Variants in NSMCE2 observed in about 807,000 individuals in gnomAD.
NSMCE2 encodes NSE2 SUMO ligase component of SMC5/6 complex.
A neutral mutation model predicts 23.8 loss-of-function variants in NSMCE2; 24 were observed. The ratio of observed to expected loss-of-function variants is 1.01; its 90% CI spans 0.73 to 1.42. The LOEUF (loss-of-function observed/expected upper bound fraction) is 1.42, where lower values mean the gene tolerates loss of function less well. NSMCE2 is among the 40% of genes most tolerant of loss of function. The pLI is 0.00. For missense variants in NSMCE2, 284 were observed against 296.5 expected (o/e 0.96, Z 0.31); for synonymous variants, 92 against 94.1 (o/e 0.98, Z 0.13).
intron 5 of NSMCE2, among the ~76,000 whole-genome samples, chr8:125,350,449 A>C (rs927311277): frequency 6.6e-6 from 1 of 152,234 alleles, no homozygotes; most frequent in African/African-American, 2.4e-5. Context: ...TGCCTTGAGC[A>C]CAGTGGGAGA....
At chr8:125,097,910 TA>T (rs1360392103) in intron 1 of NSMCE2, among the ~76,000 whole-genome samples, 1 of 152,182 alleles carries the variant, frequency 6.6e-6, no homozygotes, top group Admixed American at 6.5e-5. Context: ...TTTTATTATA[TA>T]GGCAGGAGGG....
intron 5 of NSMCE2, among the ~76,000 whole-genome samples, chr8:125,307,124 C>T (rs1828796099): frequency 1.3e-5 from 2 of 152,144 alleles, no homozygotes; most frequent in Non-Finnish European, 1.5e-5. Flanking sequence ...GTTTCCTTTT[C>T]CTCTCTTTTA....
At chr8:125,167,877 G>C (rs1190335014) in intron 4 of NSMCE2, among the ~76,000 whole-genome samples, 1 of 152,014 alleles carries the variant, frequency 6.6e-6, no homozygotes, top group Non-Finnish European at 1.5e-5. Context: ...GACAGGAAAG[G>C]GTAGACAGAA....
chr8:125,312,887 G>C (rs1829023676), intron 5 of NSMCE2, among the ~76,000 whole-genome samples: 1 of 152,038 alleles, frequency 6.6e-6, no homozygotes, highest in African/African-American at 2.4e-5. Context: ...AGTGACCTTT[G>C]AGCTGAACCA....
intron 3 of NSMCE2, among the ~76,000 whole-genome samples, chr8:125,147,888 G>T (rs1378681166): frequency 6.6e-6 from 1 of 152,134 alleles, no homozygotes; most frequent in African/African-American, 2.4e-5. Context: ...AATTGCTGTG[G>T]CAGGTTGCTA....
In NSMCE2 at chr8:125,272,803, A is replaced by G. The variant is rs1249444244; in HGVS notation, c.419-84416A>G. ...TATATATATACACATGTGTATATATATACACACACGTATATATATACACAT... is the reference window on the plus strand; with the variant it reads ...TATATATATACACATGTGTATATATGTACACACACGTATATATATACACAT... On this transcript the variant is annotated intron_variant, in intron 5 of 7. Transcript: ENST00000287437. 2.9e-5 allele frequency among the ~76,000 whole-genome samples: 4 copies of G among 140,338 alleles called. 1 individual carries two copies. Among genetic ancestry groups the G allele is most frequent in the Non-Finnish European group, 6.1e-5 (4 of 65,306 alleles). 92.1% of individuals were successfully genotyped at this position (140,338 alleles called of 152,430 possible).
intron 5 of NSMCE2, among the ~76,000 whole-genome samples, chr8:125,234,206 T>C (rs1338724826): frequency 1.3e-5 from 2 of 151,890 alleles, no homozygotes; most frequent in Non-Finnish European, 2.9e-5. Context: ...AAAAAAAATC[T>C]CTGGCCTTTA....
intron 5 of NSMCE2, among the ~76,000 whole-genome samples, chr8:125,309,744 T>A (rs7822467): frequency 0.067 from 10,163 of 152,086 alleles, 1,126 homozygotes; most frequent in African/African-American, 0.23. Flanking sequence ...ATGTATTAAT[T>A]GTTCAAATTT....
intron 3 of NSMCE2, among the ~76,000 whole-genome samples, chr8:125,116,481 G>C (rs1819010740): frequency 6.6e-6 from 1 of 152,144 alleles, no homozygotes; most frequent in African/African-American, 2.4e-5. Flanking sequence ...TCTGTGTATA[G>C]GGAAGGTTTG....
intron 5 of NSMCE2, among the ~76,000 whole-genome samples, chr8:125,207,487 A>G (rs923287417): frequency 1.3e-5 from 2 of 152,126 alleles, no homozygotes; most frequent in African/African-American, 4.8e-5. Flanking sequence ...TATTAAACAT[A>G]AAAGAATGAT....
chr8:125,262,428 A>C (rs1215984018), intron 5 of NSMCE2, among the ~76,000 whole-genome samples: 1 of 152,168 alleles, frequency 6.6e-6, no homozygotes, highest in Non-Finnish European at 1.5e-5. Context: ...CCTCTCAAAA[A>C]ATAAATAAAT....
rs545955530 is a variant in NSMCE2 at position 125,347,723 on chromosome 8, T to C, written c.419-9496T>C. ...GTGTGGGTATAGACAGTGGATATTA[T>C]GAGATTTCAATGAAAGGAGATTGGC... On this transcript the variant is annotated intron_variant, in intron 5 of 7. Coordinates refer to ENST00000287437, the MANE Select transcript of NSMCE2 (RefSeq NM_173685.4). Among the ~76,000 whole-genome samples, 8 of 152,344 alleles carry C rather than the reference T, an allele frequency of 5.3e-5. No homozygotes were observed. The South Asian group carries it at 1.7e-3, about 32-fold the overall frequency.
At chr8:125,148,338 T>A (rs1820802128) in intron 3 of NSMCE2, among the ~76,000 whole-genome samples, 1 of 152,230 alleles carries the variant, frequency 6.6e-6, no homozygotes. Flanking sequence ...CAGGTCTTAG[T>A]AGCATATATG....
chr8:125,309,562 A>G (rs1828899368), intron 5 of NSMCE2, among the ~76,000 whole-genome samples: 1 of 152,106 alleles, frequency 6.6e-6, no homozygotes, highest in South Asian at 2.1e-4. Flanking sequence ...TGTCTCTACT[A>G]AAAATCAAAA....
At chr8:125,314,272 T>TTTTTG (rs1274756256) in intron 5 of NSMCE2, among the ~76,000 whole-genome samples, 1 of 151,148 alleles carries the variant, frequency 6.6e-6, no homozygotes, top group Non-Finnish European at 1.5e-5. Flanking sequence ...TTGTGTTTTG[T>TTTTTG]TTTTGTTTTG....
chr8:125,298,179 G>C (rs1373368055), intron 5 of NSMCE2, among the ~76,000 whole-genome samples: 1 of 152,174 alleles, frequency 6.6e-6, no homozygotes, highest in African/African-American at 2.4e-5. Context: ...AGGATCGCTT[G>C]AACCTAGAAG....
At chr8:125,129,822 T>A (rs956018327) in intron 3 of NSMCE2, among the ~76,000 whole-genome samples, 2 of 152,146 alleles carry the variant, frequency 1.3e-5, no homozygotes, top group Non-Finnish European at 2.9e-5. Flanking sequence ...TTTGGAATGA[T>A]GTTAGATTTA....
intron 5 of NSMCE2, among the ~76,000 whole-genome samples, chr8:125,316,578 CTTTCT>C (rs1219983257): frequency 3.3e-5 from 5 of 152,072 alleles, no homozygotes; most frequent in South Asian, 4.2e-4. Flanking sequence ...TTCTTTCTTT[CTTTCT>C]TTTCTTTTCT....
At chr8:125,166,895 G>T (rs1821910670) in intron 4 of NSMCE2, among the ~76,000 whole-genome samples, 1 of 152,202 alleles carries the variant, frequency 6.6e-6, no homozygotes, top group Non-Finnish European at 1.5e-5. Flanking sequence ...CAGGCCTGGT[G>T]GCATGCACCT....
Sources: gnomAD v4.1 joint callset for allele counts (sites outside exome capture counted in the v4.1 genomes callset) on GRCh38, gnomAD v4.1.1 for gene constraint, MANE v1.5 for transcripts, NCBI Gene and HGNC (gene_info 2026-07-23, HGNC 2026-07-21) for gene names.